The following TLE2 variants were observed in gnomAD, a reference collection of about 807,000 sequenced individuals.
The protein encoded by TLE2 is transducin-like enhancer protein 2.
A neutral mutation model predicts 97.2 loss-of-function variants in TLE2; 74 were observed. The observed-to-expected ratio is 0.76, with a 90% confidence interval of 0.63 to 0.92. The LOEUF (loss-of-function observed/expected upper bound fraction) is 0.92, where lower values mean the gene tolerates loss of function less well. Among genes scored for constraint, TLE2 ranks in the 40% least tolerant of loss-of-function variants. TLE2 has a pLI of 0.00. For missense variants in TLE2, 1,038 were observed against 1,008.7 expected (o/e 1.03, Z -0.39); for synonymous variants, 499 against 432.1 (o/e 1.15, Z -1.92).
chr19:2,997,904 A>G lies in TLE2; in HGVS notation c.2176T>C (p.Tyr726His), dbSNP rs780176029. The G allele has an allele frequency of 6.2e-7, 1 of 1,613,098 alleles. No individual in the cohort carries two copies. ...LSCDISRNNK[Y>H]IVTGSGDKKA... ...TTGTCCCCCGAGCCTGTCACGATGT[A>G]TTTGTTATTTCTGGAGATGTCACAA... Residue 726 changes from tyrosine to histidine, a missense_variant, in exon 20 of 20, where the codon TAC becomes CAC. Physicochemically the swap from Tyr to His is moderately conservative, Grantham distance 83. Transcript: ENST00000262953.
In TLE2 at chr19:3,041,013, ATTTTTTT is replaced by A. The variant is rs1168699418; in HGVS notation, c.63+4706_63+4712del. On this transcript the variant is annotated intron_variant, in intron 1 of 18. Coordinates refer to the TLE2 transcript ENST00000426948. ...CATTTATATATATATATATATATAT[ATTTTTTT>A]TTTTTTTTTTTTTTTTTTTTTTTTG... Among the ~76,000 whole-genome samples, 13 of 28,954 alleles carry A rather than the reference ATTTTTTT, an allele frequency of 4.5e-4. 1 individual carries two copies. The East Asian group carries it at 5.1e-3, about 11-fold the overall frequency. 19.0% of individuals were successfully genotyped at this position (28,954 alleles called of 152,430 possible).
intron 2 of TLE2, 141 bp from the exon 3 acceptor site, chr19:3,028,523 G>T: frequency 1.0e-6 from 1 of 1,001,878 alleles, no homozygotes; most frequent in Non-Finnish European, 1.4e-6. Context: ...GCCCCTTCCT[G>T]GGCTCCAAAT....
At chr19:3,037,775 G>A (rs1430286035) in intron 1 of TLE2, among the ~76,000 whole-genome samples, 1 of 152,036 alleles carries the variant, frequency 6.6e-6, no homozygotes, top group Non-Finnish European at 1.5e-5. Context: ...TCCTTGTCTG[G>A]AACACAAGAT....
upstream of TLE2, among the ~76,000 whole-genome samples, chr19:3,034,235 G>A (rs1263698460): frequency 2.0e-5 from 3 of 149,678 alleles, no homozygotes; most frequent in East Asian, 2.0e-4. Context: ...CCCCCACCCT[G>A]ACCAGGCCTT....
chr19:3,031,952 G>C (rs2090028044), upstream of TLE2, among the ~76,000 whole-genome samples: 1 of 151,962 alleles, frequency 6.6e-6, no homozygotes, highest in South Asian at 2.1e-4. Flanking sequence ...TTTTGAGACG[G>C]AGTCTTGCTC....
chr19:3,032,653 C>T (rs2090034248), upstream of TLE2, among the ~76,000 whole-genome samples: 1 of 152,112 alleles, frequency 6.6e-6, no homozygotes, highest in South Asian at 2.1e-4. This position sits in a 1 kb window ranked among gnomAD's most constrained non-coding sequence, Gnocchi z 4.1. Flanking sequence ...CTCTGCGGGG[C>T]CTGGCACACA....
intron 8 of TLE2, among the ~76,000 whole-genome samples, chr19:3,017,241 G>GA (rs11379215): frequency 0.4 from 60,818 of 151,522 alleles, 14,115 homozygotes; most frequent in African/African-American, 0.64. Context: ...AGGTCCAAGT[G>GA]ATTCTCCTGC....
At chr19:3,045,713 C>G (rs2090136835) in intron 1 of TLE2, 1 of 440,648 alleles carries the variant, frequency 2.3e-6, no homozygotes, top group African/African-American at 2.0e-5. Context: ...CGCCTGTAAT[C>G]CCAGCTACTC....
chr19:3,029,937 C>T (rs1181850585), upstream of TLE2, among the ~76,000 whole-genome samples: 2 of 152,146 alleles, frequency 1.3e-5, no homozygotes, highest in East Asian at 1.9e-4. Flanking sequence ...GCTGGGACTA[C>T]AGGTGTGCAC....
At chr19:3,032,456 G>A (rs559544946), upstream of TLE2, among the ~76,000 whole-genome samples, 20 of 151,488 alleles carry the variant, frequency 1.3e-4, no homozygotes, top group Non-Finnish European at 2.9e-4. This position sits in a 1 kb window ranked among gnomAD's most constrained non-coding sequence, Gnocchi z 4.1. Flanking sequence ...CAGGCTGGTC[G>A]CAAACTCCTG....
At chr19:3,039,452 G>A (rs1489480179) in intron 1 of TLE2, among the ~76,000 whole-genome samples, 2 of 151,990 alleles carry the variant, frequency 1.3e-5, no homozygotes, top group Non-Finnish European at 2.9e-5. Context: ...CAAGACCTCT[G>A]CACTGCATTG....
chr19:3,015,329 T>C (rs1309124293), intron 9 of TLE2, among the ~76,000 whole-genome samples: 1 of 152,200 alleles, frequency 6.6e-6, no homozygotes. Context: ...GGAAGGCTTC[T>C]TGTAGGAGGT....
chr19:3,021,257 T>G (rs1689046829), intron 5 of TLE2, among the ~76,000 whole-genome samples: 1 of 150,334 alleles, frequency 6.7e-6, no homozygotes, highest in Admixed American at 6.6e-5. Flanking sequence ...ATACAAAAAT[T>G]AGTCAGGCAT....
Position 3,019,086 on chromosome 19 carries a change from C to T in TLE2, c.550+197G>A, listed in dbSNP as rs543490683. 1.1e-4 allele frequency among the ~76,000 whole-genome samples: 16 copies of T among 151,740 alleles called. No individual in the cohort carries two copies. The highest frequency in any genetic ancestry group is 1.2e-4 in the Non-Finnish European group (8 of 67,884). On this transcript the variant is annotated intron_variant, in intron 7 of 19. Transcript: ENST00000262953. The surrounding 1 kb of genome is among the most constrained non-coding windows in gnomAD (Gnocchi z 5.1). Reference sequence around the variant, plus strand: ...GCAAATTTTTAAATTTTTGTAGAGACGGGGTCTCGCTCTGTTGCCCAGGCT... The same window carrying T: ...GCAAATTTTTAAATTTTTGTAGAGATGGGGTCTCGCTCTGTTGCCCAGGCT...
intron 5 of TLE2, among the ~76,000 whole-genome samples, chr19:3,022,746 TAC>T (rs1446622537): frequency 6.6e-6 from 1 of 152,074 alleles, no homozygotes; most frequent in East Asian, 1.9e-4. Context: ...AGGATGCGGA[TAC>T]AGAGCTCCCA....
intron 5 of TLE2, among the ~76,000 whole-genome samples, chr19:3,021,571 T>G (rs2089844383): frequency 6.6e-6 from 1 of 152,190 alleles, no homozygotes; most frequent in Admixed American, 6.5e-5. Flanking sequence ...AAAATAAATT[T>G]AATAGGCTTA....
In TLE2 at chr19:3,027,860, G is replaced by T. The variant is rs776053623; in HGVS notation, c.200C>A (p.Ser67Ter). The T allele has an allele frequency of 6.2e-7, 1 of 1,611,198 alleles. No homozygotes were observed. Among genetic ancestry groups the T allele is most frequent in the Non-Finnish European group, 8.5e-7 (1 of 1,178,922 alleles). The change falls in exon 4 of 20, where the codon TCG becomes TAG. Residue 67 changes from serine (S) to a stop codon, truncating the protein, a stop_gained. Transcript: ENST00000262953. LOFTEE classifies it high-confidence loss of function. The stretch of plus-strand genomic sequence containing the variant: ...ATGCATTTCAATGTTGAGCCCGTAC[G>T]ACATCTCATAATACTGCAAAGGAAA... ...QRHYVMYYEM[S>*]YGLNIEMHKQ...
intron 7 of TLE2, among the ~76,000 whole-genome samples, chr19:3,018,601 T>G (rs1474009130): frequency 6.9e-6 from 1 of 145,606 alleles, no homozygotes; most frequent in African/African-American, 2.6e-5. Flanking sequence ...CTATCTATTT[T>G]TATTTATTTA....
At chr19:2,999,143 A>C (rs2089293679) in intron 19 of TLE2, among the ~76,000 whole-genome samples, 1 of 152,040 alleles carries the variant, frequency 6.6e-6, no homozygotes. Context: ...TTAGCCAGGC[A>C]TGGTGGCGGG....
Sources: gnomAD v4.1 joint callset for allele counts (sites outside exome capture counted in the v4.1 genomes callset) on GRCh38, gnomAD v4.1.1 for gene constraint, Gnocchi (gnomAD v3.1) non-coding constraint, MANE v1.5 for transcripts, NCBI Gene and HGNC (gene_info 2026-07-23, HGNC 2026-07-21) for gene names.